Variants in PALS1 observed in about 807,000 individuals in gnomAD.
The protein encoded by PALS1 is protein associated with LIN7 1, MAGUK p55 family member.
A neutral mutation model predicts 78.9 loss-of-function variants in PALS1; 31 were observed. The observed-to-expected ratio is 0.39, with a 90% CI of 0.30 to 0.53. The LOEUF is 0.53. Ranked by LOEUF, PALS1 falls within the 20% of genes least tolerant of loss-of-function variation. The pLI is 0.67. For synonymous variants in PALS1, 276 were observed against 270.9 expected (o/e 1.02, Z -0.18); for missense variants, 704 against 826.5 (o/e 0.85, Z 1.82).
chr14:67,309,849 A>G (rs924797023), intron 8 of PALS1, among the ~76,000 whole-genome samples: 2 of 152,160 alleles, frequency 1.3e-5, no homozygotes, highest in African/African-American at 4.8e-5. Context: ...GAAAAACAAC[A>G]TACTGGGTAG....
chr14:67,247,492 A>G (rs1011625019), intron 1 of PALS1, among the ~76,000 whole-genome samples: 1 of 151,548 alleles, frequency 6.6e-6, no homozygotes, highest in African/African-American at 2.4e-5. Flanking sequence ...TATGCCTTTT[A>G]TTTCTTTTCC....
At chr14:67,242,174 T>C (rs1262488728) in intron 1 of PALS1, among the ~76,000 whole-genome samples, 2 of 152,210 alleles carry the variant, frequency 1.3e-5, no homozygotes, top group Non-Finnish European at 2.9e-5. Flanking sequence ...TGTAGTAAAT[T>C]ATGTAACTTT....
chr14:67,301,900 C>T (rs2084936807), intron 5 of PALS1, 72 bp from the exon 6 acceptor site: 2 of 1,466,026 alleles, frequency 1.4e-6, no homozygotes, highest in Admixed American at 4.6e-5. Context: ...ATACTATGTA[C>T]ATAGGTTAAA....
In PALS1 at chr14:67,321,451, T is replaced by C. The variant is rs114891253; in HGVS notation, c.1740+192T>C. Among the ~76,000 whole-genome samples, 397 of 152,322 alleles carry C rather than the reference T, an allele frequency of 2.6e-3. 1 individual carries two copies. The highest frequency in any genetic ancestry group is 8.3e-3 in the African/African-American group (347 of 41,584). ...TCAGTTTCCTCAGAGGGAAAACATA[T>C]ACATACTTACATATACAGGTTGACT... On this transcript the variant is annotated intron_variant, in intron 13 of 14. Transcript: ENST00000261681.
At chr14:67,328,511 G>C (rs1391151224) in intron 14 of PALS1, among the ~76,000 whole-genome samples, 2 of 152,132 alleles carry the variant, frequency 1.3e-5, no homozygotes, top group East Asian at 3.9e-4. Context: ...TTTGAGTTTT[G>C]TTGCCATTGC....
chr14:67,324,897 ATTTTTTTTTTT>A (rs1197663812), intron 14 of PALS1, among the ~76,000 whole-genome samples: 1 of 76,336 alleles, frequency 1.3e-5, no homozygotes, highest in Non-Finnish European at 2.4e-5. Context: ...CCTTCCTTTC[ATTTTTTTTTTT>A]TTTTTTTTTT....
intron 3 of PALS1, chr14:67,280,087 G>A (rs1203338584): frequency 2.0e-5 from 3 of 152,124 alleles, no homozygotes; most frequent in South Asian, 2.1e-4. Context: ...AGATACAACC[G>A]AACCAAAAGA....
rs1162236090 is a variant in PALS1, at chr14:67,330,369, C to T, written c.1852-2411C>T. 5.3e-5 allele frequency among the ~76,000 whole-genome samples: 8 copies of T among 151,542 alleles called. No homozygotes were observed. In the South Asian group the frequency reaches 1.0e-3, roughly 20 times the overall value. On this transcript the variant is annotated intron_variant, in intron 14 of 14. Coordinates refer to ENST00000261681, the MANE Select transcript of PALS1 (RefSeq NM_022474.4). Reference sequence around the variant, plus strand: ...GGCATTTGAAATTATAAATTTCCCTCGAAACAGTTCTTTAGTTGCATCCCG... The same window carrying T: ...GGCATTTGAAATTATAAATTTCCCTTGAAACAGTTCTTTAGTTGCATCCCG...
At chr14:67,273,927 G>T (rs1567513872) in intron 2 of PALS1, among the ~76,000 whole-genome samples, 1 of 152,202 alleles carries the variant, frequency 6.6e-6, no homozygotes, top group Non-Finnish European at 1.5e-5. Context: ...CTTCTTTTGA[G>T]AAGTGTCTGT....
At chr14:67,305,033 A>G (rs1393703084) in intron 8 of PALS1, among the ~76,000 whole-genome samples, 2 of 152,162 alleles carry the variant, frequency 1.3e-5, no homozygotes, top group Admixed American at 6.5e-5. Flanking sequence ...CTTTATGTTT[A>G]CAGTTTTTTT....
At chr14:67,252,732 C>T (rs1027577664) in intron 1 of PALS1, among the ~76,000 whole-genome samples, 2 of 152,132 alleles carry the variant, frequency 1.3e-5, no homozygotes, top group African/African-American at 4.8e-5. Context: ...AAAAAAAGCT[C>T]GGAATGGCAC....
At chr14:67,262,491 A>G (rs1376787037) in intron 1 of PALS1, among the ~76,000 whole-genome samples, 1 of 152,094 alleles carries the variant, frequency 6.6e-6, no homozygotes, top group African/African-American at 2.4e-5. Flanking sequence ...AATCCTGTGA[A>G]ATCATTCTTT....
rs1177207545 is a variant in PALS1, at chr14:67,269,748, A to G, written c.-189A>G. The stretch of plus-strand genomic sequence containing the variant: ...TGAAAAACCGGAGAAGAGAAACTAA[A>G]AGGACAGTAGAAAAGGCTTTTCCAG... On this transcript the variant is annotated 5_prime_UTR_variant, in exon 2 of 15. Coordinates refer to ENST00000261681, the MANE Select transcript of PALS1 (RefSeq NM_022474.4). The G allele has an allele frequency of 1.3e-5, 2 of 152,648 alleles. No homozygotes were observed. Among genetic ancestry groups the G allele is most frequent in the African/African-American group, 4.8e-5 (2 of 41,444 alleles). 9.5% of individuals were successfully genotyped at this position (152,648 alleles called of 1,614,324 possible).
At chr14:67,300,965 T>C (rs560716928) in intron 4 of PALS1, among the ~76,000 whole-genome samples, 2 of 152,146 alleles carry the variant, frequency 1.3e-5, no homozygotes, top group Non-Finnish European at 2.9e-5. Flanking sequence ...GTGCTGGGAT[T>C]ACAGGTGTGA....
rs534198850 is a variant in PALS1, at chr14:67,328,183, G to A, written c.1851+4371G>A. ...TTTAATGATCGCCATTCTAACTGGT[G>A]TGAGATGGTATCTCATTGTGGTTTT... On this transcript the variant is annotated intron_variant, in intron 14 of 14. Coordinates refer to ENST00000261681, the MANE Select transcript of PALS1 (RefSeq NM_022474.4). Among the ~76,000 whole-genome samples, 16 of 152,334 alleles carry A rather than the reference G, an allele frequency of 1.1e-4. No individual in the cohort carries two copies. In the East Asian group the frequency reaches 3.1e-3, roughly 29 times the overall value.
At chr14:67,257,939 T>G (rs906456722) in intron 1 of PALS1, among the ~76,000 whole-genome samples, 2 of 152,170 alleles carry the variant, frequency 1.3e-5, no homozygotes, top group African/African-American at 4.8e-5. Context: ...GTAAAAACAT[T>G]GCTGTCACCA....
intron 13 of PALS1, among the ~76,000 whole-genome samples, chr14:67,321,572 GA>G (rs1655040772): frequency 6.6e-6 from 1 of 152,168 alleles, no homozygotes; most frequent in Non-Finnish European, 1.5e-5. Context: ...CTATCTTGAG[GA>G]TAGACCCAAG....
intron 10 of PALS1, 87 bp from the exon 11 acceptor site, chr14:67,317,321 G>A: frequency 1.7e-6 from 2 of 1,187,440 alleles, no homozygotes; most frequent in Non-Finnish European, 2.4e-6. Flanking sequence ...AAGAATAAAT[G>A]AATGAATAAA....
intron 14 of PALS1, among the ~76,000 whole-genome samples, chr14:67,331,306 A>G (rs553616142): frequency 2.6e-5 from 4 of 152,198 alleles, no homozygotes; most frequent in African/African-American, 9.6e-5. Flanking sequence ...TGGCCTCCCA[A>G]AGTGCTGAGA....
Sources: gnomAD v4.1 joint callset for allele counts (sites outside exome capture counted in the v4.1 genomes callset) on GRCh38, gnomAD v4.1.1 for gene constraint, MANE v1.5 for transcripts, NCBI Gene and HGNC (gene_info 2026-07-23, HGNC 2026-07-21) for gene names.